The following DPY19L3 variants were observed in gnomAD, a reference collection of about 807,000 sequenced individuals.
DPY19L3 encodes dpy-19 like C-mannosyltransferase 3.
DPY19L3 carries 51 observed loss-of-function variants against 92.3 expected under a neutral mutation model. That is an observed-to-expected ratio of 0.55 (90% confidence interval 0.44 to 0.70). DPY19L3 has a LOEUF of 0.70. Ranked by LOEUF, DPY19L3 falls within the 30% of genes least tolerant of loss-of-function variation. The pLI, the probability that DPY19L3 is intolerant of heterozygous loss-of-function variation, is 0.00. For synonymous variants in DPY19L3, 309 were observed against 315.2 expected, an observed-to-expected ratio of 0.98 and a Z score of 0.21; for missense variants, 706 against 855.9, an observed-to-expected ratio of 0.82 and a Z score of 2.18.
intron 8 of DPY19L3, among the ~76,000 whole-genome samples, chr19:32,452,893 A>T (rs1261589996): frequency 6.8e-6 from 1 of 147,362 alleles, no homozygotes. Context: ...TTTAATAGAG[A>T]TGGGGTTTCA....
At chr19:32,423,962 A>G (rs1309867474) in intron 3 of DPY19L3, among the ~76,000 whole-genome samples, 1 of 152,010 alleles carries the variant, frequency 6.6e-6, no homozygotes, top group Non-Finnish European at 1.5e-5. Context: ...ATCATTAGCT[A>G]AGATTGTGCC....
intron 3 of DPY19L3, among the ~76,000 whole-genome samples, chr19:32,419,996 A>G (rs1162310845): frequency 6.6e-6 from 1 of 151,030 alleles, no homozygotes; most frequent in Admixed American, 6.6e-5. Context: ...AGTAACTGGG[A>G]TTACAGGCAG....
chr19:32,436,692 A>G (rs750237012), intron 5 of DPY19L3, 125 bp downstream of exon 5: 21 of 892,186 alleles, frequency 2.4e-5, no homozygotes, highest in Non-Finnish European at 3.4e-5. Flanking sequence ...GCAATACTAT[A>G]TTTTTTTTCC....
intron 2 of DPY19L3, 150 bp from the exon 3 acceptor site, chr19:32,411,089 T>C (rs1968163619): frequency 1.4e-6 from 1 of 721,096 alleles, no homozygotes; most frequent in Non-Finnish European, 2.2e-6. Flanking sequence ...AACAGGTCTG[T>C]GGAATCAGAA....
chr19:32,480,339 A>G, intron 17 of DPY19L3, 60 bp from the exon 18 acceptor site: 1 of 1,550,790 alleles, frequency 6.4e-7, no homozygotes, highest in Non-Finnish European at 8.7e-7. Context: ...TACATCACAT[A>G]GTTAACTCCC....
intron 3 of DPY19L3, among the ~76,000 whole-genome samples, chr19:32,424,723 G>T (rs948758133): frequency 1.3e-5 from 2 of 152,120 alleles, no homozygotes; most frequent in Admixed American, 1.3e-4. Flanking sequence ...CACAGAAATT[G>T]ACAAGCTAGT....
intron 4 of DPY19L3, among the ~76,000 whole-genome samples, chr19:32,435,305 C>T (rs760629467): frequency 3.9e-5 from 6 of 152,178 alleles, no homozygotes; most frequent in African/African-American, 7.2e-5. Context: ...ATTAGGGCTT[C>T]GGGCTTCAGC....
At chr19:32,457,706 G>A (rs574189183) in intron 10 of DPY19L3, among the ~76,000 whole-genome samples, 44 of 152,340 alleles carry the variant, frequency 2.9e-4, no homozygotes, top group Non-Finnish European at 5.0e-4. Flanking sequence ...CCCAAAGCCA[G>A]ACAGGCTTTG....
rs897716695 is a variant in DPY19L3, at chr19:32,480,479, G to A, written c.1911G>A (p.Leu637=). 1 of 1,614,052 alleles carries A rather than the reference G, an allele frequency of 6.2e-7. No individual in the cohort carries two copies. Among genetic ancestry groups the A allele is most frequent in the African/African-American group, 1.3e-5 (1 of 74,934 alleles). The change falls in exon 18 of 19, where the codon CTG becomes CTA. Residue 637 remains leucine, a synonymous_variant. Transcript: ENST00000392250. ...LRSFGTDYVI[L]EDSICYERRH... ...CCTTCGGCACTGACTACGTAATCCT[G>A]GAAGACAGCATCTGCTACGAGCGGA...
At chr19:32,454,839 T>C (rs1283920901) in intron 9 of DPY19L3, 100 bp from the exon 10 acceptor site, 2 of 728,028 alleles carry the variant, frequency 2.7e-6, no homozygotes, top group East Asian at 2.9e-5. Flanking sequence ...CTTTATGTTA[T>C]ATGAGCCAGT....
intron 3 of DPY19L3, chr19:32,413,094 A>G (rs1968249221): frequency 6.6e-6 from 1 of 152,188 alleles, no homozygotes. Context: ...AATATACCTT[A>G]CATTTTAATC....
intron 3 of DPY19L3, among the ~76,000 whole-genome samples, chr19:32,426,668 A>T (rs1345549860): frequency 6.6e-6 from 1 of 152,230 alleles, no homozygotes; most frequent in Non-Finnish European, 1.5e-5. Context: ...TCACCGTCTT[A>T]CATGGGTGTG....
Position 32,411,274 on chromosome 19 carries a change from T to C in DPY19L3, c.139T>C (p.Leu47=), listed in dbSNP as rs182119102. The change falls in exon 3 of 19, where the codon TTG becomes CTG. Residue 47 remains leucine (L), a synonymous_variant. Transcript: ENST00000392250. The part of the protein sequence containing the change: ...TSRRLWKILS[L]TIGGTIALCI... ...TAGAAGATTATGGAAGATTTTGTCA[T>C]TGACAATTGGTGGAACCATTGCCCT... 30 of 1,613,034 alleles carry C rather than the reference T, an allele frequency of 1.9e-5. No individual in the cohort carries two copies. In the Admixed American group the frequency reaches 4.5e-4, roughly 24 times the overall value.
chr19:32,485,557 A>C lies in DPY19L3; in HGVS notation c.*3317A>C, dbSNP rs1324112146. 2 of 152,242 alleles carry C rather than the reference A, an allele frequency of 1.3e-5. No individual in the cohort carries two copies. Among genetic ancestry groups the C allele is most frequent in the Admixed American group, 6.5e-5 (1 of 15,284 alleles). The allele number at this position is 152,242 out of a possible 1,614,324, so 9.4% of individuals were successfully genotyped here. ...TATTGATTTTGTCTAAGATGTAAAAATTTGAGTTCATCTTTGGCCAAAACC... is the reference window on the plus strand; with the variant it reads ...TATTGATTTTGTCTAAGATGTAAAACTTTGAGTTCATCTTTGGCCAAAACC... On this transcript the variant is annotated 3_prime_UTR_variant, in exon 19 of 19. Transcript: ENST00000392250.
chr19:32,471,771 T>C (rs975058550), intron 16 of DPY19L3, among the ~76,000 whole-genome samples: 9 of 152,182 alleles, frequency 5.9e-5, no homozygotes, highest in Non-Finnish European at 1.3e-4. Context: ...TTCTTTTCTT[T>C]TTTATAGGCT....
chr19:32,473,209 G>C (rs1970407177), intron 16 of DPY19L3, among the ~76,000 whole-genome samples: 1 of 152,210 alleles, frequency 6.6e-6, no homozygotes, highest in African/African-American at 2.4e-5. Context: ...TGACCTGTGA[G>C]TCCTTGTCAT....
At chr19:32,411,204 G>A (rs746285384) in intron 2 of DPY19L3, 35 bp from the exon 3 acceptor site, 4 of 1,586,914 alleles carry the variant, frequency 2.5e-6, no homozygotes, top group Non-Finnish European at 3.4e-6. Context: ...TTTTTTTACT[G>A]ACTTAGTTAT....
rs1326274169 is a variant in DPY19L3, at chr19:32,485,640, CAATT to C, written c.*3403_*3406del. ...TAAAATTTAATTCAAATCTCAAAAT[CAATT>C]AAGTATTCTCAGATCCTATATCTTG... On this transcript the variant is annotated 3_prime_UTR_variant, in exon 19 of 19. Coordinates refer to ENST00000392250, the MANE Select transcript of DPY19L3 (RefSeq NM_001172774.2). The C allele has an allele frequency of 3.9e-5, 6 of 152,288 alleles. No individual in the cohort carries two copies. The East Asian group carries it at 1.2e-3, about 29-fold the overall frequency. 9.4% of individuals were successfully genotyped at this position (152,288 alleles called of 1,614,324 possible).
chr19:32,450,387 A>G (rs1875755862), intron 8 of DPY19L3, among the ~76,000 whole-genome samples: 1 of 152,190 alleles, frequency 6.6e-6, no homozygotes, highest in Admixed American at 6.5e-5. Flanking sequence ...TCCTAGATAC[A>G]TACCCAAGAG....
Sources: allele counts gnomAD v4.1 joint callset (sites outside exome capture counted in the v4.1 genomes callset), GRCh38; gene constraint gnomAD v4.1.1; transcripts MANE v1.5; gene names NCBI Gene and HGNC (gene_info 2026-07-23, HGNC 2026-07-21).